The following DSCAM variants were observed in gnomAD, a reference collection of about 807,000 sequenced individuals.
DSCAM encodes cell adhesion molecule DSCAM.
DSCAM carries 47 observed loss-of-function variants against 217.7 expected under a neutral mutation model. The ratio of observed to expected loss-of-function variants is 0.22; its 90% CI spans 0.17 to 0.28. The LOEUF (loss-of-function observed/expected upper bound fraction) is 0.28. Among genes scored for constraint, DSCAM ranks in the 10% least tolerant of loss-of-function variants. The pLI, the probability that DSCAM is intolerant of heterozygous loss-of-function variation, is 1.00. For missense variants in DSCAM, 2,080 were observed against 2,618.3 expected (o/e 0.79, Z 4.49); for synonymous variants, 1,056 against 1,015.3 (o/e 1.04, Z -0.76).
At chr21:40,236,818 A>T (rs1481841100) in intron 11 of DSCAM, among the ~76,000 whole-genome samples, 1 of 152,212 alleles carries the variant, frequency 6.6e-6, no homozygotes, top group Non-Finnish European at 1.5e-5. Context: ...CGAAACAAAG[A>T]TGTTTCATCT....
At position 40,013,065 on chromosome 21, in the gene DSCAM, T is replaced by C. The variant is rs777910439; in HGVS notation, c.6008A>G (p.Asn2003Ser). The change falls in exon 33 of 33, where the codon AAT (asparagine) becomes AGT (serine). Residue 2003 changes from asparagine (N) to serine (S), a missense_variant. Transcript: ENST00000400454. ...CAGGGTGTAAGATTTTGCGTAAGGATTGTTTCCTTTCAAATGGCCCCGGGA... is the reference window on the plus strand; with the variant it reads ...CAGGGTGTAAGATTTTGCGTAAGGACTGTTTCCTTTCAAATGGCCCCGGGA... ...LDSRGHLKGNNPYAKSYTLV is the reference protein window; with the variant it reads ...LDSRGHLKGNSPYAKSYTLV The C allele has an allele frequency of 3.2e-6, 5 of 1,550,050 alleles. No individual in the cohort carries two copies. Among genetic ancestry groups the C allele is most frequent in the Non-Finnish European group, 4.4e-6 (5 of 1,145,542 alleles).
intron 10 of DSCAM, among the ~76,000 whole-genome samples, chr21:40,281,196 A>G (rs563029976): frequency 2.6e-5 from 4 of 152,324 alleles, no homozygotes; most frequent in Admixed American, 6.5e-5. Context: ...AAAATTAGGT[A>G]AGTTACATAA....
rs796339226 is a variant in DSCAM at position 40,175,809 on chromosome 21, G to GCACA, written c.2947+3114_2947+3117dup. Among the ~76,000 whole-genome samples, 248 of 80,578 alleles carry GCACA rather than the reference G, an allele frequency of 3.1e-3. 2 individuals are homozygous for GCACA. Among genetic ancestry groups the GCACA allele is most frequent in the African/African-American group, 0.011 (237 of 22,024 alleles). The allele number at this position is 80,578 out of a possible 152,430, so 52.9% of individuals were successfully genotyped here. A position where few individuals can be genotyped will look rare whatever the true frequency, so the allele number is the denominator to read the frequency against. On this transcript the variant is annotated intron_variant, in intron 15 of 32. Coordinates refer to ENST00000400454, the MANE Select transcript of DSCAM (RefSeq NM_001389.5). ...CACACACACACACACACACACACAC[G>GCACA]CACACACACACACACGCACACACAC...
chr21:40,614,266 T>G (rs1419869681), intron 3 of DSCAM, among the ~76,000 whole-genome samples: 1 of 152,238 alleles, frequency 6.6e-6, no homozygotes, highest in African/African-American at 2.4e-5. Flanking sequence ...ATTTTTGTTT[T>G]GTTTTCCTTT....
chr21:40,294,075 T>C (rs1391583966), intron 10 of DSCAM, among the ~76,000 whole-genome samples: 1 of 152,228 alleles, frequency 6.6e-6, no homozygotes, highest in Non-Finnish European at 1.5e-5. Flanking sequence ...TTTAAAAAAT[T>C]GCAATTTCTA....
At chr21:40,392,201 A>G (rs1330903154) in intron 3 of DSCAM, among the ~76,000 whole-genome samples, 1 of 152,224 alleles carries the variant, frequency 6.6e-6, no homozygotes, top group Non-Finnish European at 1.5e-5. Flanking sequence ...CTTCCTGAAC[A>G]TGCAAACCTA....
intron 6 of DSCAM, among the ~76,000 whole-genome samples, chr21:40,341,230 T>A (rs2074488020): frequency 6.6e-6 from 1 of 152,224 alleles, no homozygotes; most frequent in African/African-American, 2.4e-5. Context: ...CATCCTGTGT[T>A]TAATTTTACA....
chr21:40,244,877 G>A (rs2073201894), intron 11 of DSCAM, among the ~76,000 whole-genome samples: 1 of 152,164 alleles, frequency 6.6e-6, no homozygotes, highest in Non-Finnish European at 1.5e-5. Flanking sequence ...GCATGCAGAA[G>A]TACTTGAAAA....
chr21:40,146,275 T>TGGGGGGGGGGGGGGGGG (rs2090356253), intron 16 of DSCAM, among the ~76,000 whole-genome samples: 1 of 131,316 alleles, frequency 7.6e-6, no homozygotes, highest in Non-Finnish European at 1.5e-5. Context: ...GGGGGGGAGG[T>TGGGGGGGGGGGGGGGGG]GGCGGGGCAC....
At chr21:40,302,294 G>A (rs572163769) in intron 9 of DSCAM, among the ~76,000 whole-genome samples, 54 of 152,110 alleles carry the variant, frequency 3.6e-4, no homozygotes, top group Non-Finnish European at 6.2e-4. Flanking sequence ...CACGGGGGGC[G>A]GATCTTTCCC....
intron 2 of DSCAM, among the ~76,000 whole-genome samples, chr21:40,703,314 G>A (rs2090677309): frequency 6.6e-6 from 1 of 152,070 alleles, no homozygotes; most frequent in African/African-American, 2.4e-5. Flanking sequence ...CCAGGAGTTA[G>A]CGACCATCCT....
At chr21:40,774,008 C>T (rs2091468019) in intron 1 of DSCAM, among the ~76,000 whole-genome samples, 1 of 152,182 alleles carries the variant, frequency 6.6e-6, no homozygotes, top group Non-Finnish European at 1.5e-5. Flanking sequence ...CCATGGGAAG[C>T]TGAAATTGGG....
At chr21:40,620,221 AAAG>A (rs1456308395) in intron 3 of DSCAM, among the ~76,000 whole-genome samples, 13 of 132,722 alleles carry the variant, frequency 9.8e-5, no homozygotes, top group South Asian at 2.7e-4. Flanking sequence ...GAGAGAGAAA[AAAG>A]AAAAAGAAAG....
chr21:40,131,681 T>C (rs1482979256), intron 19 of DSCAM, among the ~76,000 whole-genome samples: 2 of 152,164 alleles, frequency 1.3e-5, no homozygotes, highest in Non-Finnish European at 2.9e-5. Context: ...ACTCCACTTC[T>C]TTTTGAAAAT....
In DSCAM at chr21:40,075,059, C is replaced by T. The variant is rs2089345270; in HGVS notation, c.4866G>A (p.Glu1622=). ...TACCTCGCAGCCTCTTTAGCCTCTG[C>T]TCCCGCCGCCTCCTCCGCACAACCA... The part of the protein sequence containing the change: ...LLLVVRRRRR[E]QRLKRLRDAK... Residue 1622 remains glutamate, a synonymous_variant, in exon 27 of 33, where the codon GAG becomes GAA. Transcript: ENST00000400454. 1.2e-6 allele frequency: 2 copies of T among 1,614,192 alleles called. No homozygotes were observed. The highest frequency in any genetic ancestry group is 1.7e-6 in the Non-Finnish European group (2 of 1,180,030).
chr21:40,081,615 C>T (rs557142917), intron 24 of DSCAM, among the ~76,000 whole-genome samples: 7 of 152,250 alleles, frequency 4.6e-5, no homozygotes, highest in African/African-American at 1.7e-4. Flanking sequence ...GTATTCCAGC[C>T]GCCCTACACA....
intron 1 of DSCAM, among the ~76,000 whole-genome samples, chr21:40,739,786 T>G (rs1048942509): frequency 2.6e-5 from 4 of 151,916 alleles, no homozygotes; most frequent in East Asian, 1.9e-4. Context: ...AATTAGTTTT[T>G]TTTTTTTTTT....
chr21:40,033,071 T>C (rs2146452569), intron 32 of DSCAM, among the ~76,000 whole-genome samples: 1 of 152,308 alleles, frequency 6.6e-6, no homozygotes, highest in African/African-American at 2.4e-5. Flanking sequence ...CCAATACAGA[T>C]GTATGTAACC....
At chr21:40,731,732 C>T (rs868346550) in intron 1 of DSCAM, among the ~76,000 whole-genome samples, 6 of 114,918 alleles carry the variant, frequency 5.2e-5, no homozygotes, top group South Asian at 4.3e-4. Flanking sequence ...CACTGCACCC[C>T]CCCCCCCGCC....
Sources: allele counts gnomAD v4.1 joint callset (sites outside exome capture counted in the v4.1 genomes callset), GRCh38; gene constraint gnomAD v4.1.1; transcripts MANE v1.5; gene names NCBI Gene and HGNC (gene_info 2026-07-23, HGNC 2026-07-21).